The following ATP11B variants were observed in gnomAD, a reference collection of about 807,000 sequenced individuals.
ATP11B encodes the protein ATPase phospholipid transporting 11B (putative).
A neutral mutation model predicts 157.8 loss-of-function variants in ATP11B; 81 were observed. That is an observed-to-expected ratio of 0.51 (90% CI 0.43 to 0.62). The LOEUF (loss-of-function observed/expected upper bound fraction) is 0.62. ATP11B is among the 20% of genes least tolerant of loss of function. The pLI is 0.00. For synonymous variants in ATP11B, 451 were observed against 469.4 expected, an observed-to-expected ratio of 0.96 and a Z score of 0.51; for missense variants, 1,165 against 1,402.2, an observed-to-expected ratio of 0.83 and a Z score of 2.70.
chr3:182,893,678 A>G (rs1165284595), intron 25 of ATP11B, among the ~76,000 whole-genome samples: 3 of 152,092 alleles, frequency 2.0e-5, no homozygotes, highest in Non-Finnish European at 4.4e-5. Flanking sequence ...TTTTTTGTAT[A>G]ATGACTTCTT....
Position 182,880,901 on chromosome 3 carries a change from C to G in ATP11B, c.2429C>G (p.Ser810Ter). 2 of 1,586,504 alleles carry G rather than the reference C, an allele frequency of 1.3e-6. No homozygotes were observed. The highest frequency in any genetic ancestry group is 1.7e-6 in the Non-Finnish European group (2 of 1,169,654). The change falls in exon 21 of 30, where the codon TCA becomes TGA. Residue 810 changes from serine (S) to a stop codon, truncating the protein, a stop_gained. Transcript: ENST00000323116. LOFTEE classifies it high-confidence loss of function. ...KAKVIRLIKI[S>*]PEKPITLAVG... The stretch of plus-strand genomic sequence containing the variant: ...CAGGTAATAAGACTAATAAAAATAT[C>G]ACCTGAGAAACCTATAACATTGGCT...
At chr3:182,814,051 TATTTATTTATTTATTC>T (rs1384734199) in intron 1 of ATP11B, among the ~76,000 whole-genome samples, 3 of 151,940 alleles carry the variant, frequency 2.0e-5, no homozygotes, top group Non-Finnish European at 4.4e-5. Context: ...TGATATTTTA[TATTTATTTATTTATTC>T]ATTTATTTAT....
In ATP11B at chr3:182,857,976, G is replaced by C; in HGVS notation, c.950G>C (p.Trp317Ser). Residue 317 changes from tryptophan (W) to serine (S), a missense_variant, in exon 11 of 30, where the codon TGG (tryptophan) becomes TCG (serine). By Grantham distance (177) the Trp-to-Ser change is radical (BLOSUM62 -3). Around this residue, in one of 4 missense-constraint regions of ATP11B, gnomAD observed 737 missense variants for 930.5 expected, o/e 0.79. Coordinates refer to ENST00000323116, the MANE Select transcript of ATP11B (RefSeq NM_014616.3). ...LKYTWQAEEK[W>S]DEPWYNQKTE... ...TATACATGGCAAGCTGAAGAAAAAT[G>C]GGATGAACCTTGGTATAACCAAAAA... 2 of 1,612,306 alleles carry C rather than the reference G, an allele frequency of 1.2e-6. No individual in the cohort carries two copies. Among genetic ancestry groups the C allele is most frequent in the Non-Finnish European group, 1.7e-6 (2 of 1,178,682 alleles).
chr3:182,820,298 C>G lies in ATP11B; in HGVS notation c.66C>G (p.Ile22Met). Reference protein sequence around the residue: ...DPPHQSDTRTIYVANRFPQNG... With the variant: ...DPPHQSDTRTMYVANRFPQNG... ...CACATCAGAGTGACACAAGAACCATCTACGTAGCCAACAGGTTTCCTCAGA... is the reference window on the plus strand; with the variant it reads ...CACATCAGAGTGACACAAGAACCATGTACGTAGCCAACAGGTTTCCTCAGA... The change falls in exon 2 of 30, where the codon ATC becomes ATG. Residue 22 changes from isoleucine to methionine, a missense_variant. Transcript: ENST00000323116. The G allele has an allele frequency of 6.2e-7, 1 of 1,614,134 alleles. No homozygotes were observed.
chr3:182,878,987 ATT>A (rs1310141219), intron 19 of ATP11B, among the ~76,000 whole-genome samples: 1 of 152,246 alleles, frequency 6.6e-6, no homozygotes, highest in Admixed American at 6.5e-5. Flanking sequence ...AAAATTGAAT[ATT>A]AGGCTGGGCA....
At chr3:182,817,472 A>G (rs543551001) in intron 1 of ATP11B, among the ~76,000 whole-genome samples, 22 of 151,964 alleles carry the variant, frequency 1.4e-4, no homozygotes, top group Non-Finnish European at 2.9e-4. Flanking sequence ...GTAGAGACGG[A>G]GTTTCACCAT....
chr3:182,852,643 AG>A (rs1426853921), intron 10 of ATP11B, among the ~76,000 whole-genome samples: 1 of 152,256 alleles, frequency 6.6e-6, no homozygotes, highest in African/African-American at 2.4e-5. Flanking sequence ...GTGCTAGAAC[AG>A]GTGGACGTCT....
chr3:182,903,408 G>A (rs913626529), intron 28 of ATP11B, among the ~76,000 whole-genome samples: 4 of 151,878 alleles, frequency 2.6e-5, no homozygotes, highest in African/African-American at 9.7e-5. Flanking sequence ...TTATTCTCAA[G>A]GTTTCTAATC....
At chr3:182,862,967 G>A (rs1312541710) in intron 12 of ATP11B, among the ~76,000 whole-genome samples, 1 of 151,784 alleles carries the variant, frequency 6.6e-6, no homozygotes, top group Non-Finnish European at 1.5e-5. Flanking sequence ...CCAGGCTGGA[G>A]TGCAGTGGTG....
intron 22 of ATP11B, 131 bp downstream of exon 22, chr3:182,885,029 A>G (rs1430010628): frequency 1.7e-6 from 1 of 602,376 alleles, no homozygotes; most frequent in East Asian, 3.4e-5. Context: ...TTTGTCATAA[A>G]TCTATTCTAT....
intron 25 of ATP11B, 106 bp downstream of exon 25, chr3:182,889,654 T>G: frequency 9.8e-7 from 1 of 1,023,446 alleles, no homozygotes; most frequent in East Asian, 3.1e-5. Context: ...CTTCAAGTAT[T>G]AAAATGCAAA....
intron 28 of ATP11B, among the ~76,000 whole-genome samples, chr3:182,909,680 GA>G (rs1417587496): frequency 6.6e-6 from 1 of 152,142 alleles, no homozygotes; most frequent in Non-Finnish European, 1.5e-5. Context: ...GTATATATGG[GA>G]AAGTAGTAGA....
intron 28 of ATP11B, chr3:182,905,656 A>G (rs1232659104): frequency 2.6e-6 from 1 of 379,764 alleles, no homozygotes; most frequent in African/African-American, 2.1e-5. Context: ...CTCTTTTGTG[A>G]CAGTAAATGT....
At chr3:182,800,871 C>T (rs1560051969) in intron 1 of ATP11B, among the ~76,000 whole-genome samples, 3 of 146,180 alleles carry the variant, frequency 2.1e-5, no homozygotes, top group Admixed American at 6.8e-5. Flanking sequence ...ACCTCCGCCC[C>T]CCACCCCCCC....
intron 28 of ATP11B, among the ~76,000 whole-genome samples, chr3:182,910,071 C>CAA (rs1281546191): frequency 7.2e-4 from 52 of 72,240 alleles, no homozygotes; most frequent in African/African-American, 2.6e-3. Flanking sequence ...ACTCGGCCTC[C>CAA]AGAAAAAAAA....
At position 182,826,529 on chromosome 3, in the gene ATP11B, A is replaced by G. The variant is rs563532842; in HGVS notation, c.145-1591A>G. Among the ~76,000 whole-genome samples the G allele has an allele frequency of 2.0e-5, 3 of 152,190 alleles. No homozygotes were observed. In the East Asian group the frequency reaches 5.8e-4, roughly 29 times the overall value. ...TGACTTGACACACAATTACCATCTCATGTGTATACATTGAACATTGACTTC... is the reference window on the plus strand; with the variant it reads ...TGACTTGACACACAATTACCATCTCGTGTGTATACATTGAACATTGACTTC... On this transcript the variant is annotated intron_variant, in intron 2 of 29. Coordinates refer to ENST00000323116, the MANE Select transcript of ATP11B (RefSeq NM_014616.3).
rs1289719518 is a variant in ATP11B at position 182,889,398 on chromosome 3, T to A, written c.2844-12T>A. 3 of 1,526,090 alleles carry A rather than the reference T, an allele frequency of 2.0e-6. No homozygotes were observed. The African/African-American group carries it at 4.3e-5, about 22-fold the overall frequency. 94.5% of individuals were successfully genotyped at this position (1,526,090 alleles called of 1,614,324 possible). A position where few individuals can be genotyped will look rare whatever the true frequency, so the allele number is the denominator to read the frequency against. On this transcript the variant is annotated splice_polypyrimidine_tract_variant and intron_variant, in intron 24 of 29. Transcript: ENST00000323116. ...ATCCCTAATATGTTTCTTTTTCTCT[T>A]CTTTTTAACAGAGACATTAGTAAAA... is the stretch of plus-strand genomic sequence containing the variant.
Position 182,869,139 on chromosome 3 carries a change from C to G in ATP11B, c.1750C>G (p.Gln584Glu). The change falls in exon 16 of 30, where the codon CAG becomes GAG. Residue 584 changes from glutamine to glutamate, a missense_variant. Coordinates refer to ENST00000323116, the MANE Select transcript of ATP11B (RefSeq NM_014616.3). Reference protein sequence around the residue: ...SDRRRMSVIVQAPSGEKLLFA... With the variant: ...SDRRRMSVIVEAPSGEKLLFA... ...TCGTAGGAGAATGAGTGTAATTGTT[C>G]AGGCACCTTCAGGTAACCAATCTAA... 1 of 1,610,116 alleles carries G rather than the reference C, an allele frequency of 6.2e-7. No homozygotes were observed. Among genetic ancestry groups the G allele is most frequent in the Non-Finnish European group, 8.5e-7 (1 of 1,177,760 alleles).
At chr3:182,823,266 T>C (rs1332636141) in intron 2 of ATP11B, among the ~76,000 whole-genome samples, 1 of 152,254 alleles carries the variant, frequency 6.6e-6, no homozygotes, top group Non-Finnish European at 1.5e-5. Flanking sequence ...TTTAAGTCTT[T>C]AATCCATCTT....
Sources: allele counts gnomAD v4.1 joint callset (sites outside exome capture counted in the v4.1 genomes callset), GRCh38; gene constraint gnomAD v4.1.1; regional missense constraint gnomAD v4.1.1; transcripts MANE v1.5; gene names NCBI Gene and HGNC (gene_info 2026-07-23, HGNC 2026-07-21).